NUBPL: variants seen among roughly 807,000 people sequenced by gnomAD.
The protein encoded by NUBPL is NUBP iron-sulfur cluster assembly factor, mitochondrial, also known as iron-sulfur cluster transfer protein NUBPL.
NUBPL carries 31 observed loss-of-function variants against 45.7 expected under a neutral mutation model. The ratio of observed to expected loss-of-function variants is 0.68; its 90% CI spans 0.51 to 0.92. The LOEUF is 0.92. NUBPL is among the 40% of genes least tolerant of loss of function. The probability of loss-of-function intolerance (pLI) is 0.00; values close to 1 mark genes in which losing one functional copy is unlikely to be tolerated. For synonymous variants in NUBPL, 144 were observed against 140.9 expected (o/e 1.02, Z -0.15); for missense variants, 401 against 398.7 (o/e 1.01, Z -0.05).
chr14:31,646,750 C>G (rs916587094), intron 4 of NUBPL, among the ~76,000 whole-genome samples: 8 of 151,722 alleles, frequency 5.3e-5, no homozygotes, highest in Non-Finnish European at 1.0e-4. Flanking sequence ...ATATTTATAT[C>G]TTTGTAGCAT....
intron 4 of NUBPL, among the ~76,000 whole-genome samples, chr14:31,663,204 T>G (rs1221088215): frequency 6.6e-6 from 1 of 152,242 alleles, no homozygotes; most frequent in Non-Finnish European, 1.5e-5. Context: ...TTCACTCTGA[T>G]GATAGTTTTC....
intron 4 of NUBPL, among the ~76,000 whole-genome samples, chr14:31,623,739 G>C (rs1352784771): frequency 6.6e-6 from 1 of 152,118 alleles, no homozygotes; most frequent in East Asian, 1.9e-4. Flanking sequence ...CTTTATAGTA[G>C]TATGAAAACG....
At chr14:31,642,655 T>C (rs577336002) in intron 4 of NUBPL, among the ~76,000 whole-genome samples, 6 of 152,264 alleles carry the variant, frequency 3.9e-5, no homozygotes, top group Admixed American at 3.3e-4. Context: ...CTCAGGGTTG[T>C]TTTGGCTATC....
chr14:31,577,925 T>C (rs1057040509), intron 3 of NUBPL: 1 of 1,283,556 alleles, frequency 7.8e-7, no homozygotes, highest in African/African-American at 1.5e-5. Context: ...CATATGTTTA[T>C]CTCATGCCAT....
chr14:31,692,160 C>T (rs978673222), intron 6 of NUBPL, among the ~76,000 whole-genome samples: 9 of 152,072 alleles, frequency 5.9e-5, no homozygotes, highest in Non-Finnish European at 1.3e-4. Flanking sequence ...GAAACAATTT[C>T]CTTTTATTTT....
intron 6 of NUBPL, among the ~76,000 whole-genome samples, chr14:31,759,306 T>G (rs766156794): frequency 4.6e-5 from 7 of 152,116 alleles, no homozygotes; most frequent in Non-Finnish European, 8.8e-5. Context: ...CCTTTGATAA[T>G]TTTATTTTTG....
chr14:31,748,356 G>GT (rs994330074), intron 6 of NUBPL, among the ~76,000 whole-genome samples: 9 of 152,044 alleles, frequency 5.9e-5, no homozygotes, highest in Non-Finnish European at 1.0e-4. Flanking sequence ...TTTCTCTGTT[G>GT]TTTTTTTGTT....
chr14:31,813,536 TAC>T (rs144075915), intron 7 of NUBPL, among the ~76,000 whole-genome samples: 61 of 149,344 alleles, frequency 4.1e-4, no homozygotes, highest in South Asian at 8.4e-4. Flanking sequence ...CATACATCCA[TAC>T]ACACACACAC....
intron 4 of NUBPL, among the ~76,000 whole-genome samples, chr14:31,635,662 T>A (rs1315334779): frequency 1.3e-5 from 2 of 151,956 alleles, no homozygotes. Context: ...TGGCATTGAA[T>A]CTATAAATTC....
intron 3 of NUBPL, among the ~76,000 whole-genome samples, chr14:31,594,322 A>G (rs2034226640): frequency 6.6e-6 from 1 of 152,194 alleles, no homozygotes; most frequent in Admixed American, 6.5e-5. Flanking sequence ...CAAGACACTG[A>G]GGCGGGAGGA....
chr14:31,853,364 T>C (rs1227018120), intron 10 of NUBPL, among the ~76,000 whole-genome samples: 1 of 152,224 alleles, frequency 6.6e-6, no homozygotes, highest in East Asian at 1.9e-4. Flanking sequence ...CCTAGACTGA[T>C]ACTTTTTATT....
At chr14:31,805,319 A>G (rs776686922) in intron 7 of NUBPL, among the ~76,000 whole-genome samples, 6 of 152,352 alleles carry the variant, frequency 3.9e-5, no homozygotes, top group Non-Finnish European at 7.3e-5. Flanking sequence ...TGTTGGTGAG[A>G]GTGTAAATTA....
At chr14:31,724,588 C>A (rs2037879300) in intron 6 of NUBPL, among the ~76,000 whole-genome samples, 1 of 152,170 alleles carries the variant, frequency 6.6e-6, no homozygotes, top group Non-Finnish European at 1.5e-5. Context: ...TAATAGCTAG[C>A]ATTGTTTGAA....
chr14:31,622,661 C>G (rs557062334), intron 4 of NUBPL, among the ~76,000 whole-genome samples: 1 of 152,358 alleles, frequency 6.6e-6, no homozygotes, highest in South Asian at 2.1e-4. Context: ...AGGGTGCACA[C>G]TCCAAATCTT....
intron 3 of NUBPL, among the ~76,000 whole-genome samples, chr14:31,590,578 C>T (rs1220776996): frequency 1.3e-5 from 2 of 152,178 alleles, no homozygotes; most frequent in Non-Finnish European, 2.9e-5. Context: ...AAATACTCTT[C>T]CCTTCATTGC....
At chr14:31,652,978 T>C (rs894512719) in intron 4 of NUBPL, among the ~76,000 whole-genome samples, 4 of 152,200 alleles carry the variant, frequency 2.6e-5, no homozygotes, top group African/African-American at 9.6e-5. Context: ...TCAGTAGGAC[T>C]GTGATGCCCA....
chr14:31,785,914 T>G (rs1432780412), intron 6 of NUBPL, among the ~76,000 whole-genome samples: 1 of 152,164 alleles, frequency 6.6e-6, no homozygotes, highest in East Asian at 1.9e-4. Context: ...ATCCCAGCAC[T>G]TTGGGAGACC....
chr14:31,630,167 G>GA (rs199880582), intron 4 of NUBPL, among the ~76,000 whole-genome samples: 1,614 of 152,302 alleles, frequency 0.011, 24 homozygotes, highest in African/African-American at 0.037. Context: ...AAAGACTTGT[G>GA]AAAAGAGAGA....
chr14:31,645,782 C>CCG (rs2035834324), intron 4 of NUBPL, among the ~76,000 whole-genome samples: 1 of 137,238 alleles, frequency 7.3e-6, no homozygotes, highest in South Asian at 2.8e-4. Context: ...ACACCCCCCC[C>CCG]CCCACATTTT....
Sources: allele counts gnomAD v4.1 joint callset (sites outside exome capture counted in the v4.1 genomes callset), GRCh38; gene constraint gnomAD v4.1.1; transcripts MANE v1.5; gene names NCBI Gene and HGNC (gene_info 2026-07-23, HGNC 2026-07-21).